Variants in RLN1 observed in about 807,000 individuals in gnomAD.
The protein encoded by RLN1 is relaxin 1.
Under a neutral mutation model 7.2 loss-of-function variants are expected in RLN1, and 4 were observed. The ratio of observed to expected loss-of-function variants is 0.56; its 90% CI spans 0.28 to 1.28. RLN1 has a LOEUF of 1.28. RLN1 is among the 50% of genes most tolerant of loss of function. The pLI, the probability that RLN1 is intolerant of heterozygous loss-of-function variation, is 0.11. For missense variants in RLN1, 293 were observed against 221.1 expected (o/e 1.32, Z -2.06); for synonymous variants, 105 against 86.0 (o/e 1.22, Z -1.22).
rs1816892209 is a variant in RLN1, at chr9:5,336,291, T to C, written c.212-694A>G. ...AATCACTGATTTAAGAAGAGATTCA[T>C]ATGTGCTGTGGTGTAAGTGTACTGA... On this transcript the variant is annotated intron_variant, in intron 1 of 1. Coordinates refer to ENST00000223862, the MANE Select transcript of RLN1 (RefSeq NM_006911.4). Among the ~76,000 whole-genome samples the C allele has an allele frequency of 2.0e-5, 3 of 152,062 alleles. 1 individual carries two copies. Among genetic ancestry groups the C allele is most frequent in the South Asian group, 4.1e-4 (2 of 4,820 alleles).
chr9:5,335,301 T>G lies in RLN1; in HGVS notation c.508A>C (p.Lys170Gln), dbSNP rs1175919329. The change falls in exon 2 of 2, where the codon AAA becomes CAA. Residue 170 changes from lysine to glutamine, a missense_variant. By Grantham distance (53) the Lys-to-Gln change is moderately conservative. Transcript: ENST00000223862. The stretch of plus-strand genomic sequence containing the variant: ...TTGGTACAACCAATTAGGCAACATT[T>G]CTCAAACAGTGCCACGTAGGGTCGT... The part of the protein sequence containing the change: ...KRRPYVALFE[K>Q]CCLIGCTKRS... 1 of 1,603,994 alleles carries G rather than the reference T, an allele frequency of 6.2e-7. No homozygotes were observed. The highest frequency in any genetic ancestry group is 1.7e-5 in the Admixed American group (1 of 57,536).
At chr9:5,336,122 A>C (rs1288411259) in intron 1 of RLN1, among the ~76,000 whole-genome samples, 1 of 151,934 alleles carries the variant, frequency 6.6e-6, no homozygotes, top group African/African-American at 2.4e-5. Context: ...CATTTCCAAC[A>C]CCTGTAATCT....
chr9:5,337,004 C>G (rs1328727042), intron 1 of RLN1, among the ~76,000 whole-genome samples: 1 of 151,914 alleles, frequency 6.6e-6, no homozygotes, highest in Non-Finnish European at 1.5e-5. Flanking sequence ...CAAAACAAAA[C>G]AAAACAAAAC....
Position 5,334,990 on chromosome 9 carries a change from T to C in RLN1, c.*261A>G. The C allele has an allele frequency of 3.0e-6, 1 of 336,112 alleles. No individual in the cohort carries two copies. The highest frequency in any genetic ancestry group is 5.3e-6 in the Non-Finnish European group (1 of 188,294). The allele number at this position is 336,112 out of a possible 1,614,324, so 20.8% of individuals were successfully genotyped here. On this transcript the variant is annotated 3_prime_UTR_variant, in exon 2 of 2. Transcript: ENST00000223862. Reference sequence around the variant, plus strand: ...GGTTAAAGTGGCAAAGGTTTTATTGTAATTTTAAGTTAACAGCATTAAAAA... The same window carrying C: ...GGTTAAAGTGGCAAAGGTTTTATTGCAATTTTAAGTTAACAGCATTAAAAA...
upstream of RLN1, among the ~76,000 whole-genome samples, chr9:5,340,485 G>A (rs138930259): frequency 2.4e-3 from 363 of 152,194 alleles, 1 homozygote; most frequent in African/African-American, 8.5e-3. Context: ...TAAAATTCTA[G>A]TCTATGTCTC....
chr9:5,336,296 G>A (rs963757810), intron 1 of RLN1, among the ~76,000 whole-genome samples: 12 of 152,056 alleles, frequency 7.9e-5, no homozygotes, highest in Non-Finnish European at 1.5e-4. Flanking sequence ...ATTCATATGT[G>A]CTGTGGTGTA....
At chr9:5,340,563 A>G (rs908620045), upstream of RLN1, among the ~76,000 whole-genome samples, 2 of 152,208 alleles carry the variant, frequency 1.3e-5, no homozygotes, top group Non-Finnish European at 2.9e-5. Context: ...GAAGAGAAAG[A>G]AGAAGGGGAA....
At chr9:5,335,725 A>G in intron 1 of RLN1, 128 bp from the exon 2 acceptor site, 3 of 637,094 alleles carry the variant, frequency 4.7e-6, no homozygotes, top group Admixed American at 3.0e-5. Context: ...ACATTGAAAC[A>G]CAAAAGCATC....
Position 5,336,814 on chromosome 9 carries a change from G to A in RLN1, c.212-1217C>T, listed in dbSNP as rs1382436130. 8.6e-5 allele frequency among the ~76,000 whole-genome samples: 13 copies of A among 151,850 alleles called. 1 individual carries two copies. The East Asian group carries it at 9.7e-4, about 11-fold the overall frequency. On this transcript the variant is annotated intron_variant, in intron 1 of 1. Transcript: ENST00000223862. ...AGAAGAGAGGAGTAAATCTAAGTGC[G>A]GGAGGCAGACACCTGGTTAACCACT...
chr9:5,337,329 T>G (rs896734891), intron 1 of RLN1, among the ~76,000 whole-genome samples: 1 of 152,054 alleles, frequency 6.6e-6, no homozygotes, highest in African/African-American at 2.4e-5. Flanking sequence ...GGCTGTGTGT[T>G]TTGAACTTTT....
chr9:5,335,208 C>T lies in RLN1; in HGVS notation c.*43G>A, dbSNP rs1816859774. ...AAGCATCAGTGAAATGTCATCAAGA[C>T]TATGTGTGAAAATTAGACAAGATGT... On this transcript the variant is annotated 3_prime_UTR_variant, in exon 2 of 2. Transcript: ENST00000223862. The T allele has an allele frequency of 2.5e-6, 3 of 1,221,580 alleles. No individual in the cohort carries two copies. Among genetic ancestry groups the T allele is most frequent in the Non-Finnish European group, 3.5e-6 (3 of 864,496 alleles). The allele number at this position is 1,221,580 out of a possible 1,614,324, so 75.7% of individuals were successfully genotyped here.
chr9:5,340,140 A>C (rs150492805), upstream of RLN1, among the ~76,000 whole-genome samples: 765 of 152,340 alleles, frequency 5.0e-3, 4 homozygotes, highest in African/African-American at 0.017. Context: ...TGAGATCGCC[A>C]ATATTCTTAC....
rs1816858474 is a variant in RLN1 at position 5,335,144 on chromosome 9, A to T, written c.*107T>A. 1 of 618,726 alleles carries T rather than the reference A, an allele frequency of 1.6e-6. No individual in the cohort carries two copies. The highest frequency in any genetic ancestry group is 3.3e-5 in the South Asian group (1 of 30,494). The allele number at this position is 618,726 out of a possible 1,614,324, so 38.3% of individuals were successfully genotyped here. On this transcript the variant is annotated 3_prime_UTR_variant, in exon 2 of 2. Transcript: ENST00000223862. ...CAAATGAAAAATCTAAACATTAATAAAGATTTCTTATATTCTAATAATTAG... is the reference window on the plus strand; with the variant it reads ...CAAATGAAAAATCTAAACATTAATATAGATTTCTTATATTCTAATAATTAG...
At position 5,335,483 on chromosome 9, in the gene RLN1, A is replaced by G. The variant is rs1485334612; in HGVS notation, c.326T>C (p.Leu109Ser). 6.2e-7 allele frequency: 1 copy of G among 1,613,458 alleles called. No individual in the cohort carries two copies. The highest frequency in any genetic ancestry group is 8.5e-7 in the Non-Finnish European group (1 of 1,179,548). Residue 109 changes from leucine to serine, a missense_variant, in exon 2 of 2, where the codon TTA becomes TCA. Coordinates refer to ENST00000223862, the MANE Select transcript of RLN1 (RefSeq NM_006911.4). ...AGGTACATACTGCTGTAGCTCTGGT[A>G]ATGATGGTTGCCTCTCAGATAGGGC... is the stretch of plus-strand genomic sequence containing the variant. The part of the protein sequence containing the change: ...KAALSERQPS[L>S]PELQQYVPAL...
intron 1 of RLN1, among the ~76,000 whole-genome samples, chr9:5,336,249 A>C (rs1175941896): frequency 6.6e-6 from 1 of 152,074 alleles, no homozygotes; most frequent in Non-Finnish European, 1.5e-5. Flanking sequence ...AAGTGGGTTA[A>C]AAGATCACTA....
In RLN1 at chr9:5,335,580, T is replaced by C. The variant is rs1442694285; in HGVS notation, c.229A>G (p.Ile77Val). The C allele has an allele frequency of 6.2e-7, 1 of 1,606,448 alleles. No homozygotes were observed. The highest frequency in any genetic ancestry group is 8.5e-7 in the Non-Finnish European group (1 of 1,175,170). Residue 77 changes from isoleucine to valine, a missense_variant, in exon 2 of 2, where the codon ATC (isoleucine) becomes GTC (valine). By Grantham distance (29) the Ile-to-Val change is conservative. Coordinates refer to ENST00000223862, the MANE Select transcript of RLN1 (RefSeq NM_006911.4). ...ATTATAGTTTCTGTATCTTTGTTGA[T>C]GAAGGATGGTACAATTTCTGTTAAG... ...RPVAEIVPSF[I>V]NKDTETIIIM... is the part of the protein sequence containing the mutation.
Position 5,335,320 on chromosome 9 carries a change from G to C in RLN1, c.489C>G (p.Pro163=). 2 of 1,611,818 alleles carry C rather than the reference G, an allele frequency of 1.2e-6. No individual in the cohort carries two copies. Among genetic ancestry groups the C allele is most frequent in the Non-Finnish European group, 1.7e-6 (2 of 1,179,394 alleles). ...AACATTTCTCAAACAGTGCCACGTA[G>C]GGTCGTCTCTTTTTTTGAGAATGAG... is the stretch of plus-strand genomic sequence containing the variant. ...LDTHSQKKRR[P]YVALFEKCCL... is the part of the protein sequence containing the mutation. Residue 163 remains proline (P), a synonymous_variant, in exon 2 of 2, where the codon CCC becomes CCG. Transcript: ENST00000223862.
Position 5,335,388 on chromosome 9 carries a change from C to T in RLN1, c.421G>A (p.Ala141Thr), listed in dbSNP as rs751503680. ...KLIRNRQSEA[A>T]DSNPSELKYL... ...TTTAATTCTGAAGGATTGCTGTCTG[C>T]GGCTTCACTTTGCCTATTGCGAATA... Residue 141 changes from alanine (A) to threonine (T), a missense_variant, in exon 2 of 2, where the codon GCA (alanine) becomes ACA (threonine). Transcript: ENST00000223862. 53 of 1,613,444 alleles carry T rather than the reference C, an allele frequency of 3.3e-5. 3 individuals carry two copies. Among genetic ancestry groups the T allele is most frequent in the South Asian group, 1.9e-4 (17 of 91,026 alleles).
chr9:5,335,449 C>T lies in RLN1; in HGVS notation c.360G>A (p.Lys120=), dbSNP rs1816867371. Reference sequence around the variant, plus strand: ...ATTCTTCAAAGCTAAGATTGGAATCCTTTAATGCAGGTACATACTGCTGTA... The same window carrying T: ...ATTCTTCAAAGCTAAGATTGGAATCTTTTAATGCAGGTACATACTGCTGTA... ...PELQQYVPAL[K]DSNLSFEEFK... The change falls in exon 2 of 2, where the codon AAG becomes AAA. Residue 120 remains lysine, a synonymous_variant. Coordinates refer to ENST00000223862, the MANE Select transcript of RLN1 (RefSeq NM_006911.4). 6.2e-7 allele frequency: 1 copy of T among 1,613,706 alleles called. No individual in the cohort carries two copies.
Sources: gnomAD v4.1 joint callset for allele counts (sites outside exome capture counted in the v4.1 genomes callset) on GRCh38, gnomAD v4.1.1 for gene constraint, MANE v1.5 for transcripts, NCBI Gene and HGNC (gene_info 2026-07-23, HGNC 2026-07-21) for gene names.